PDE4D: variants seen among roughly 807,000 people sequenced by gnomAD.
PDE4D encodes phosphodiesterase 4D, also known as 3',5'-cyclic-AMP phosphodiesterase 4D.
In PDE4D, 24 loss-of-function variants were observed where a neutral mutation model predicts 87.4. The ratio of observed to expected loss-of-function variants is 0.27; its 90% CI spans 0.20 to 0.39. PDE4D has a LOEUF of 0.39. Among genes scored for constraint, PDE4D ranks in the 10% least tolerant of loss-of-function variants. PDE4D has a pLI of 1.00. For missense variants in PDE4D, 714 were observed against 1,041.0 expected (o/e 0.69, Z 4.32); for synonymous variants, 384 against 383.2 (o/e 1.00, Z -0.02).
At chr5:59,795,955 C>T (rs937306750) in intron 1 of PDE4D, among the ~76,000 whole-genome samples, 12 of 152,108 alleles carry the variant, frequency 7.9e-5, no homozygotes, top group South Asian at 2.1e-4. Flanking sequence ...AGAGAGAAGA[C>T]GGCTATCCAA....
chr5:59,035,392 A>G (rs967097252), intron 6 of PDE4D, among the ~76,000 whole-genome samples: 2 of 152,232 alleles, frequency 1.3e-5, no homozygotes, highest in African/African-American at 4.8e-5. Flanking sequence ...AAGCATTTTT[A>G]TGATACAGAA....
chr5:59,915,410 A>G (rs1230763520), intron 3 of PDE4D, among the ~76,000 whole-genome samples: 1 of 152,190 alleles, frequency 6.6e-6, no homozygotes. Context: ...TAAAGTTTAT[A>G]TTAATAACTG....
intron 1 of PDE4D, among the ~76,000 whole-genome samples, chr5:60,510,676 A>T (rs1190244007): frequency 6.6e-6 from 1 of 152,204 alleles, no homozygotes; most frequent in Admixed American, 6.5e-5. Flanking sequence ...ATGAGGCTGA[A>T]GTGTTTTCCA....
At chr5:59,789,896 A>G (rs1204972114) in intron 1 of PDE4D, among the ~76,000 whole-genome samples, 3 of 152,212 alleles carry the variant, frequency 2.0e-5, no homozygotes, top group Middle Eastern at 3.2e-3. Flanking sequence ...ACTGAAGATA[A>G]TTTTGAGCCT....
intron 1 of PDE4D, among the ~76,000 whole-genome samples, chr5:60,255,616 TA>T (rs1477601244): frequency 6.6e-6 from 1 of 151,908 alleles, no homozygotes; most frequent in African/African-American, 2.4e-5. Flanking sequence ...TATAACATAG[TA>T]TATTGTTATA....
At position 60,042,465 on chromosome 5, in the gene PDE4D, T is replaced by C. The variant is rs530895999; in HGVS notation, c.43-53748A>G. Among the ~76,000 whole-genome samples, 4 of 152,312 alleles carry C rather than the reference T, an allele frequency of 2.6e-5. No individual in the cohort carries two copies. In the South Asian group the frequency reaches 8.3e-4, roughly 32 times the overall value. ...CTCTGCTAAGGGACACAATGCTTCC[T>C]CAAATGGGTCCCTCACCCCCGTGCC... On this transcript the variant is annotated intron_variant, in intron 2 of 16. Coordinates refer to the PDE4D transcript ENST00000502484.
chr5:58,999,939 A>C, intron 6 of PDE4D: 1 of 985,376 alleles, frequency 1.0e-6, no homozygotes, highest in Non-Finnish European at 1.2e-6. Context: ...AACTGCAGGG[A>C]AGCCGGGAAG....
At chr5:59,259,620 T>C (rs1050987571) in intron 1 of PDE4D, among the ~76,000 whole-genome samples, 1 of 151,916 alleles carries the variant, frequency 6.6e-6, no homozygotes, top group African/African-American at 2.4e-5. Context: ...TAAGTGCTTT[T>C]TATTTCTTTC....
At chr5:59,148,783 GTGTGTGTGTATC>G (rs1350368025) in intron 5 of PDE4D, among the ~76,000 whole-genome samples, 5 of 151,736 alleles carry the variant, frequency 3.3e-5, no homozygotes, top group Middle Eastern at 3.2e-3. Flanking sequence ...GTGTGTGTGT[GTGTGTGTGTATC>G]TGTGTGTGTA....
intron 1 of PDE4D, among the ~76,000 whole-genome samples, chr5:59,723,598 T>C (rs557037573): frequency 6.6e-6 from 1 of 152,268 alleles, no homozygotes; most frequent in Admixed American, 6.5e-5. Flanking sequence ...GGATTATGGA[T>C]GCAATGTCCC....
intron 1 of PDE4D, among the ~76,000 whole-genome samples, chr5:59,383,715 A>G (rs972542242): frequency 2.0e-5 from 3 of 152,208 alleles, no homozygotes; most frequent in East Asian, 1.9e-4. Context: ...ATATGAAAAA[A>G]CCAAATATAA....
At chr5:59,058,738 G>C (rs780979749) in intron 5 of PDE4D, among the ~76,000 whole-genome samples, 2 of 150,536 alleles carry the variant, frequency 1.3e-5, no homozygotes, top group Non-Finnish European at 3.0e-5. Flanking sequence ...ACTCCCAACA[G>C]AACAGACACC....
chr5:60,312,533 C>G (rs1755142503), intron 1 of PDE4D, among the ~76,000 whole-genome samples: 1 of 152,174 alleles, frequency 6.6e-6, no homozygotes, highest in South Asian at 2.1e-4. Context: ...AAGGCAGGCA[C>G]CTTCTTCACA....
intron 5 of PDE4D, chr5:59,091,165 T>C (rs948869850): frequency 1.5e-5 from 7 of 451,830 alleles, no homozygotes; most frequent in Non-Finnish European, 2.2e-5. Context: ...CAAGTGTTTT[T>C]TATTAGAACG....
intron 2 of PDE4D, among the ~76,000 whole-genome samples, chr5:60,064,381 A>G (rs1771817587): frequency 6.6e-6 from 1 of 152,088 alleles, no homozygotes; most frequent in Non-Finnish European, 1.5e-5. Context: ...GCTAGTAAGG[A>G]GAACACCCAG....
intron 1 of PDE4D, among the ~76,000 whole-genome samples, chr5:59,746,839 T>C (rs72751241): frequency 0.17 from 26,460 of 152,026 alleles, 3,031 homozygotes; most frequent in South Asian, 0.25. Context: ...CTGCCCCTAG[T>C]GAAGTAGGAG....
intron 2 of PDE4D, among the ~76,000 whole-genome samples, chr5:60,057,431 C>T (rs1770900474): frequency 6.6e-6 from 1 of 151,970 alleles, no homozygotes; most frequent in African/African-American, 2.4e-5. Flanking sequence ...AAATATTTCT[C>T]CTATTTCAAT....
intron 1 of PDE4D, among the ~76,000 whole-genome samples, chr5:59,671,798 C>A (rs1476696977): frequency 2.7e-5 from 4 of 149,632 alleles, no homozygotes; most frequent in Non-Finnish European, 5.9e-5. Context: ...CAAAGGGAGA[C>A]CCTGTCTCAA....
At chr5:59,013,123 T>C (rs1374788320) in intron 6 of PDE4D, among the ~76,000 whole-genome samples, 5 of 152,138 alleles carry the variant, frequency 3.3e-5, no homozygotes, top group African/African-American at 1.2e-4. Flanking sequence ...CACAACATAC[T>C]AGAATCTCTG....
Sources: allele counts gnomAD v4.1 joint callset (sites outside exome capture counted in the v4.1 genomes callset), GRCh38; gene constraint gnomAD v4.1.1; transcripts MANE v1.5; gene names NCBI Gene and HGNC (gene_info 2026-07-23, HGNC 2026-07-21).